DAB1: variants seen among roughly 807,000 people sequenced by gnomAD.
The protein encoded by DAB1 is DAB adaptor protein 1, also known as disabled homolog 1.
A neutral mutation model predicts 64.6 loss-of-function variants in DAB1; 15 were observed. That is an observed-to-expected ratio of 0.23 (90% CI 0.16 to 0.36). The LOEUF (loss-of-function observed/expected upper bound fraction) is 0.36, where lower values mean the gene tolerates loss of function less well. DAB1 is among the 10% of genes least tolerant of loss of function. The pLI, the probability that DAB1 is intolerant of heterozygous loss-of-function variation, is 1.00. For synonymous variants in DAB1, 235 were observed against 251.9 expected (o/e 0.93, Z 0.64); for missense variants, 596 against 706.7 (o/e 0.84, Z 1.78).
chr1:57,432,417 A>G (rs1242100404), intron 7 of DAB1, among the ~76,000 whole-genome samples: 2 of 152,118 alleles, frequency 1.3e-5, no homozygotes, highest in Admixed American at 6.5e-5. Flanking sequence ...CTTCTTAACT[A>G]GAATTTAGAG....
chr1:57,259,332 G>A (rs1254006158), intron 2 of DAB1, among the ~76,000 whole-genome samples: 1 of 152,184 alleles, frequency 6.6e-6, no homozygotes, highest in African/African-American at 2.4e-5. Context: ...ACACAGTAAG[G>A]TGAGCCCTAC....
intron 7 of DAB1, among the ~76,000 whole-genome samples, chr1:57,570,311 C>G (rs1325390855): frequency 6.6e-6 from 1 of 152,082 alleles, no homozygotes; most frequent in Admixed American, 6.6e-5. Flanking sequence ...TTTTGGAACT[C>G]GAACTGATTC....
At chr1:57,402,068 T>TA (rs1368374314) in intron 1 of DAB1, among the ~76,000 whole-genome samples, 1 of 152,062 alleles carries the variant, frequency 6.6e-6, no homozygotes, top group African/African-American at 2.4e-5. Context: ...GAAAATGAGG[T>TA]AAAAAAAGAG....
chr1:57,847,274 A>G (rs1037091034), intron 1 of DAB1, among the ~76,000 whole-genome samples: 1 of 151,644 alleles, frequency 6.6e-6, no homozygotes, highest in Non-Finnish European at 1.5e-5. Flanking sequence ...TTTAAATCAC[A>G]GGAGGAAAAA....
At chr1:57,755,412 C>T (rs1206006902) in intron 6 of DAB1, among the ~76,000 whole-genome samples, 2 of 151,842 alleles carry the variant, frequency 1.3e-5, no homozygotes, top group Non-Finnish European at 2.9e-5. Context: ...CGTAAAGGTC[C>T]GACATGAGAA....
At chr1:57,165,963 C>G (rs910269210) in intron 2 of DAB1, among the ~76,000 whole-genome samples, 3 of 152,182 alleles carry the variant, frequency 2.0e-5, no homozygotes, top group African/African-American at 7.2e-5. Context: ...TGGGTCAGGG[C>G]TGGCTGCATG....
chr1:57,653,052 A>C (rs1014050123), intron 6 of DAB1, among the ~76,000 whole-genome samples: 4 of 152,232 alleles, frequency 2.6e-5, no homozygotes, highest in African/African-American at 9.6e-5. Context: ...TTTTCTTATT[A>C]AATATTTCAA....
intron 4 of DAB1, among the ~76,000 whole-genome samples, chr1:58,279,786 A>T (rs1661515426): frequency 6.6e-6 from 1 of 152,088 alleles, no homozygotes; most frequent in African/African-American, 2.4e-5. Flanking sequence ...GTCACCAAAG[A>T]TGTTGTCCCT....
chr1:57,060,361 A>G (rs1476916436), intron 9 of DAB1, among the ~76,000 whole-genome samples: 4 of 151,990 alleles, frequency 2.6e-5, no homozygotes, highest in African/African-American at 9.7e-5. Context: ...CATGCTGGCC[A>G]GGCTGGTCTC....
chr1:57,259,085 T>C (rs1669981794), intron 2 of DAB1, among the ~76,000 whole-genome samples: 1 of 152,224 alleles, frequency 6.6e-6, no homozygotes, highest in African/African-American at 2.4e-5. Context: ...GGCATCTGGC[T>C]AATGTTACAC....
chr1:57,038,559 C>T lies in DAB1; in HGVS notation c.724-12516G>A, dbSNP rs113996521. Among the ~76,000 whole-genome samples the T allele has an allele frequency of 8.1e-3, 1,239 of 152,184 alleles. 20 individuals are homozygous for T. Among genetic ancestry groups the T allele is most frequent in the African/African-American group, 0.028 (1,156 of 41,528 alleles). On this transcript the variant is annotated intron_variant, in intron 9 of 14. Coordinates refer to ENST00000371236, the MANE Select transcript of DAB1 (RefSeq NM_001365792.1). Reference sequence around the variant, plus strand: ...TGTCTTTATAATGATTGAGACGTTGCCTCTAATTACTCCAATTTGGGCCTC... The same window carrying T: ...TGTCTTTATAATGATTGAGACGTTGTCTCTAATTACTCCAATTTGGGCCTC...
chr1:57,892,635 C>T (rs1644333780), intron 5 of DAB1, among the ~76,000 whole-genome samples: 1 of 152,174 alleles, frequency 6.6e-6, no homozygotes, highest in African/African-American at 2.4e-5. Context: ...CTCAAAGATT[C>T]TCACCTGATA....
intron 5 of DAB1, among the ~76,000 whole-genome samples, chr1:58,107,605 G>A (rs2100645120): frequency 6.6e-6 from 1 of 151,814 alleles, no homozygotes; most frequent in East Asian, 1.9e-4. Flanking sequence ...TTTTTTTTCT[G>A]TTTTTGTTTT....
chr1:58,261,026 A>G (rs1661036106), intron 4 of DAB1, among the ~76,000 whole-genome samples: 1 of 152,234 alleles, frequency 6.6e-6, no homozygotes, highest in Non-Finnish European at 1.5e-5. Flanking sequence ...AATTTATCAC[A>G]TAATTGCAAT....
chr1:58,037,158 C>T (rs1647056862), intron 5 of DAB1, among the ~76,000 whole-genome samples: 1 of 152,160 alleles, frequency 6.6e-6, no homozygotes, highest in African/African-American at 2.4e-5. Context: ...CCTGCATCCC[C>T]TTATCAGAAT....
At chr1:57,197,989 A>G (rs1426699575) in intron 2 of DAB1, among the ~76,000 whole-genome samples, 1 of 152,238 alleles carries the variant, frequency 6.6e-6, no homozygotes, top group Non-Finnish European at 1.5e-5. Flanking sequence ...CTCCCTAAAG[A>G]GTACCACATA....
At chr1:57,924,894 T>A (rs901566073) in intron 5 of DAB1, among the ~76,000 whole-genome samples, 3 of 152,152 alleles carry the variant, frequency 2.0e-5, no homozygotes, top group Admixed American at 1.3e-4. Flanking sequence ...ATACAGTCTC[T>A]CAGTAAATGC....
chr1:57,402,627 C>A (rs956483694), intron 1 of DAB1, among the ~76,000 whole-genome samples: 1 of 152,160 alleles, frequency 6.6e-6, no homozygotes, highest in African/African-American at 2.4e-5. Flanking sequence ...GGAGCTTAGG[C>A]AATATATTTT....
intron 4 of DAB1, among the ~76,000 whole-genome samples, chr1:58,231,313 A>AT (rs1659765318): frequency 6.6e-6 from 1 of 152,214 alleles, no homozygotes; most frequent in Admixed American, 6.5e-5. Context: ...TTTTAAGCTT[A>AT]TTACCCAAAC....
Sources: allele counts gnomAD v4.1 joint callset (sites outside exome capture counted in the v4.1 genomes callset), GRCh38; gene constraint gnomAD v4.1.1; transcripts MANE v1.5; gene names NCBI Gene and HGNC (gene_info 2026-07-23, HGNC 2026-07-21).